Variants in MYRFL observed in about 807,000 individuals in gnomAD.
MYRFL encodes the protein myelin regulatory factor like, also known as myelin regulatory factor-like protein.
A neutral mutation model predicts 109.4 loss-of-function variants in MYRFL; 88 were observed. The ratio of observed to expected loss-of-function variants is 0.80; its 90% CI spans 0.68 to 0.96. MYRFL has a LOEUF of 0.96. Among genes scored for constraint, MYRFL ranks in the 40% least tolerant of loss-of-function variants. The pLI is 0.00. For missense variants in MYRFL, 957 were observed against 954.9 expected (o/e 1.00, Z -0.03); for synonymous variants, 324 against 320.9 (o/e 1.01, Z -0.10).
chr12:69,898,501 T>G (rs1592782880), intron 10 of MYRFL, among the ~76,000 whole-genome samples: 1 of 152,146 alleles, frequency 6.6e-6, no homozygotes, highest in African/African-American at 2.4e-5. Context: ...AATACAGAGG[T>G]GCCTGTCCAT....
At chr12:69,844,544 A>G (rs188010042) in intron 1 of MYRFL, among the ~76,000 whole-genome samples, 34 of 152,208 alleles carry the variant, frequency 2.2e-4, no homozygotes, top group Middle Eastern at 6.8e-3. Context: ...AAGCAAGTCA[A>G]TCCTCCCTGC....
intron 24 of MYRFL, 33 bp downstream of exon 24, chr12:69,958,356 G>A (rs1956140878): frequency 6.6e-7 from 1 of 1,524,604 alleles, no homozygotes; most frequent in Non-Finnish European, 8.8e-7. Context: ...TTTTCAGTGA[G>A]AAAGAAATTG....
At chr12:69,955,325 T>G in intron 21 of MYRFL, 38 bp from the exon 22 acceptor site, 1 of 611,624 alleles carries the variant, frequency 1.6e-6, no homozygotes, top group Non-Finnish European at 2.9e-6. Flanking sequence ...CTTTCCTGCA[T>G]ATTTTGATTT....
chr12:69,865,497 A>AT (rs1884966063), intron 2 of MYRFL, among the ~76,000 whole-genome samples: 1 of 152,062 alleles, frequency 6.6e-6, no homozygotes, highest in Admixed American at 6.6e-5. Context: ...AGTATCTATG[A>AT]ACCATCTTGG....
chr12:69,924,319 T>C (rs947939210), intron 13 of MYRFL, among the ~76,000 whole-genome samples: 48 of 152,240 alleles, frequency 3.2e-4, no homozygotes, highest in African/African-American at 9.4e-4. Flanking sequence ...CTTTCCATTA[T>C]GTGTAACAAT....
At chr12:69,922,484 A>G (rs1340590088) in intron 13 of MYRFL, among the ~76,000 whole-genome samples, 1 of 152,158 alleles carries the variant, frequency 6.6e-6, no homozygotes. Context: ...AAAACTAGAG[A>G]GAATAGTAAT....
chr12:69,933,353 G>C (rs1198545278), intron 16 of MYRFL, among the ~76,000 whole-genome samples: 36 of 152,130 alleles, frequency 2.4e-4, no homozygotes, highest in Admixed American at 2.2e-3. Flanking sequence ...TCTTCTCTGG[G>C]CCTTTGAGTG....
intron 19 of MYRFL, among the ~76,000 whole-genome samples, chr12:69,940,487 C>T (rs1455322439): frequency 1.3e-5 from 2 of 150,192 alleles, no homozygotes; most frequent in African/African-American, 2.4e-5. Flanking sequence ...AAATACTTTA[C>T]AGACAAGCAA....
intron 2 of MYRFL, among the ~76,000 whole-genome samples, chr12:69,859,669 A>T (rs1210333372): frequency 6.6e-6 from 1 of 152,204 alleles, no homozygotes; most frequent in Non-Finnish European, 1.5e-5. Context: ...ACATGAAAAA[A>T]TGCTCATCAT....
intron 19 of MYRFL, among the ~76,000 whole-genome samples, chr12:69,945,541 A>C (rs1487658632): frequency 6.6e-6 from 1 of 152,200 alleles, no homozygotes; most frequent in Non-Finnish European, 1.5e-5. Flanking sequence ...TGTGAAGTAC[A>C]CTTTGTGATG....
intron 1 of MYRFL, among the ~76,000 whole-genome samples, chr12:69,846,947 A>G (rs1883592637): frequency 6.6e-6 from 1 of 151,994 alleles, no homozygotes; most frequent in South Asian, 2.1e-4. Flanking sequence ...TCTGATGGCC[A>G]GTGATGATGA....
chr12:69,929,897 A>G (rs1336287296), intron 15 of MYRFL, among the ~76,000 whole-genome samples: 1 of 152,212 alleles, frequency 6.6e-6, no homozygotes, highest in Non-Finnish European at 1.5e-5. Context: ...AAATTGATAG[A>G]TGTAAAGCAC....
At chr12:69,837,535 T>A (rs1475118658) in intron 1 of MYRFL, among the ~76,000 whole-genome samples, 7 of 152,224 alleles carry the variant, frequency 4.6e-5, no homozygotes, top group Admixed American at 3.9e-4. Flanking sequence ...GATTCATATA[T>A]GTTATCACAT....
chr12:69,904,093 C>T (rs1186104665), intron 11 of MYRFL: 2 of 396,858 alleles, frequency 5.0e-6, no homozygotes, highest in Non-Finnish European at 9.0e-6. Flanking sequence ...TCATTGGCCT[C>T]ACAGGCAGCA....
At chr12:69,831,768 AG>A (rs1397023156) in intron 1 of MYRFL, among the ~76,000 whole-genome samples, 1 of 152,212 alleles carries the variant, frequency 6.6e-6, no homozygotes, top group African/African-American at 2.4e-5. Context: ...GACAGAGGTT[AG>A]GTAACTTGCT....
At chr12:69,868,934 A>C (rs1885177466) in intron 2 of MYRFL, among the ~76,000 whole-genome samples, 1 of 151,862 alleles carries the variant, frequency 6.6e-6, no homozygotes, top group Non-Finnish European at 1.5e-5. Context: ...TCACACGTAC[A>C]CACAGATATG....
In MYRFL at chr12:69,958,969, A is replaced by T. The variant is rs7979515; in HGVS notation, c.*438A>T. ...ATGTGTGATATGGTATGTGGAGGAG[A>T]TGTGGGGGGTGGTATCTGATACTGA... is the stretch of plus-strand genomic sequence containing the variant. On this transcript the variant is annotated 3_prime_UTR_variant, in exon 25 of 25. Coordinates refer to ENST00000552032, the MANE Select transcript of MYRFL (RefSeq NM_182530.3). 69,820 of 164,690 alleles carry T rather than the reference A, an allele frequency of 0.42. 15,284 individuals carry two copies. The highest frequency in any genetic ancestry group is 0.48 in the East Asian group (2,621 of 5,448). The allele number at this position is 164,690 out of a possible 1,614,324, so 10.2% of individuals were successfully genotyped here.
chr12:69,936,263 A>G lies in MYRFL; in HGVS notation c.1992-20A>G, dbSNP rs1955461734. 6.5e-7 allele frequency: 1 copy of G among 1,535,306 alleles called. No individual in the cohort carries two copies. The highest frequency in any genetic ancestry group is 1.4e-5 in the African/African-American group (1 of 72,798). Reference sequence around the variant, plus strand: ...TTTTTGCAGCCCTCTTTCATTAATCATTTCATTCTTTTTCTCCAGCAATAT... The same window carrying G: ...TTTTTGCAGCCCTCTTTCATTAATCGTTTCATTCTTTTTCTCCAGCAATAT... On this transcript the variant is annotated intron_variant, in intron 17 of 24. Transcript: ENST00000552032.
intron 1 of MYRFL, among the ~76,000 whole-genome samples, chr12:69,837,496 C>T (rs964014347): frequency 3.3e-5 from 5 of 152,122 alleles, no homozygotes; most frequent in East Asian, 3.8e-4. Flanking sequence ...AAGGGATGCA[C>T]ACTTACTGTG....
Sources: allele counts gnomAD v4.1 joint callset (sites outside exome capture counted in the v4.1 genomes callset), GRCh38; gene constraint gnomAD v4.1.1; transcripts MANE v1.5; gene names NCBI Gene and HGNC (gene_info 2026-07-23, HGNC 2026-07-21).